Variants in PEX7 observed in about 807,000 individuals in gnomAD.
PEX7 encodes the protein PTS2 receptor.
In PEX7, 34 loss-of-function variants were observed where a neutral mutation model predicts 47.5. The observed-to-expected ratio is 0.72, with a 90% CI of 0.54 to 0.95. PEX7 has a LOEUF of 0.95. Among genes scored for constraint, PEX7 ranks in the 40% least tolerant of loss-of-function variants. The probability of loss-of-function intolerance (pLI) is 0.00; values close to 1 mark genes in which losing one functional copy is unlikely to be tolerated. For synonymous variants in PEX7, 141 were observed against 148.8 expected, an observed-to-expected ratio of 0.95 and a Z score of 0.38; for missense variants, 394 against 400.3, an observed-to-expected ratio of 0.98 and a Z score of 0.13.
intron 3 of PEX7, among the ~76,000 whole-genome samples, chr6:136,827,787 C>T (rs1774223011): frequency 6.6e-6 from 1 of 151,810 alleles, no homozygotes; most frequent in East Asian, 1.9e-4. Context: ...CTGCCTTGGC[C>T]TCCCAAAGTG....
intron 8 of PEX7, among the ~76,000 whole-genome samples, chr6:136,890,669 A>G (rs1373356593): frequency 1.3e-5 from 2 of 152,168 alleles, no homozygotes; most frequent in East Asian, 3.9e-4. Flanking sequence ...TGACAGCCTG[A>G]GTAGGTTTAT....
At chr6:136,899,080 C>CTTTTTTTTTTTTTTTTT (rs71547049) in intron 9 of PEX7, among the ~76,000 whole-genome samples, 1 of 111,978 alleles carries the variant, frequency 8.9e-6, no homozygotes, top group Admixed American at 1.0e-4. Flanking sequence ...TTTTTCTTTT[C>CTTTTTTTTTTTTTTTTT]TTTTTTTTTT....
intron 3 of PEX7, among the ~76,000 whole-genome samples, chr6:136,833,730 A>G (rs530068445): frequency 1.3e-4 from 20 of 152,310 alleles, no homozygotes; most frequent in South Asian, 2.1e-4. Flanking sequence ...ACTTGAATCA[A>G]TTCTCCCTTT....
At chr6:136,872,140 A>G in intron 7 of PEX7, 58 bp from the exon 8 acceptor site, 1 of 1,300,070 alleles carries the variant, frequency 7.7e-7, no homozygotes, top group Non-Finnish European at 1.1e-6. Context: ...CATAGAAAGC[A>G]GTGTTATAAT....
At chr6:136,905,979 C>T (rs1775838930) in intron 9 of PEX7, among the ~76,000 whole-genome samples, 1 of 152,196 alleles carries the variant, frequency 6.6e-6, no homozygotes. Flanking sequence ...CAGACAATGC[C>T]TTTCTACCTC....
At chr6:136,845,202 C>T (rs558728969) in intron 3 of PEX7, among the ~76,000 whole-genome samples, 1 of 152,294 alleles carries the variant, frequency 6.6e-6, no homozygotes, top group African/African-American at 2.4e-5. Context: ...CTAAGAAAGG[C>T]CAGATAGGGA....
intron 3 of PEX7, among the ~76,000 whole-genome samples, chr6:136,845,345 G>A (rs1181628212): frequency 1.3e-5 from 2 of 152,196 alleles, no homozygotes; most frequent in East Asian, 3.8e-4. Context: ...TTTAAAATAT[G>A]TATAATTTGT....
intron 3 of PEX7, among the ~76,000 whole-genome samples, chr6:136,835,440 C>A (rs754305936): frequency 6.6e-6 from 1 of 151,962 alleles, no homozygotes; most frequent in Non-Finnish European, 1.5e-5. Context: ...AGGTGTGTGC[C>A]ACCGTGCTTG....
intron 8 of PEX7, among the ~76,000 whole-genome samples, chr6:136,893,243 C>T (rs951628522): frequency 4.0e-5 from 6 of 151,662 alleles, no homozygotes; most frequent in Admixed American, 6.6e-5. Flanking sequence ...AAATGACCTA[C>T]AAGACCTGTT....
Position 136,822,718 on chromosome 6 carries a change from A to G in PEX7, c.53A>G (p.His18Arg), listed in dbSNP as rs2115122498. ...CGGATGCTGCGGACGCCGGGACGCC[A>G]CGGCTACGCCGCCGAGTTCTCCCCG... ...AARMLRTPGR[H>R]GYAAEFSPYL... The change falls in exon 1 of 10, where the codon CAC becomes CGC. Residue 18 changes from histidine (H) to arginine (R), a missense_variant. Coordinates refer to ENST00000318471, the MANE Select transcript of PEX7 (RefSeq NM_000288.4). 1 of 1,515,326 alleles carries G rather than the reference A, an allele frequency of 6.6e-7. No individual in the cohort carries two copies. The highest frequency in any genetic ancestry group is 1.4e-5 in the African/African-American group (1 of 70,092). 93.9% of individuals were successfully genotyped at this position (1,515,326 alleles called of 1,614,324 possible).
intron 8 of PEX7, among the ~76,000 whole-genome samples, chr6:136,876,179 A>C (rs965844059): frequency 7.9e-5 from 12 of 151,916 alleles, no homozygotes; most frequent in African/African-American, 2.9e-4. Context: ...CTGGGACTAC[A>C]GGCACCCGTC....
chr6:136,868,882 G>C (rs1168821934), intron 6 of PEX7, among the ~76,000 whole-genome samples: 1 of 152,070 alleles, frequency 6.6e-6, no homozygotes, highest in Non-Finnish European at 1.5e-5. Context: ...GAATAGATAA[G>C]AGACTCACCA....
chr6:136,838,698 T>G (rs1774439486), intron 3 of PEX7, among the ~76,000 whole-genome samples: 1 of 152,144 alleles, frequency 6.6e-6, no homozygotes, highest in African/African-American at 2.4e-5. Flanking sequence ...CTGAAGTATT[T>G]AGGAATAAAA....
chr6:136,885,097 A>G (rs1454847273), intron 8 of PEX7, among the ~76,000 whole-genome samples: 1 of 152,234 alleles, frequency 6.6e-6, no homozygotes, highest in Non-Finnish European at 1.5e-5. Context: ...AGATCATTTC[A>G]TAAACAGAAA....
chr6:136,830,164 G>A, intron 3 of PEX7: 1 of 634,370 alleles, frequency 1.6e-6, no homozygotes, highest in Non-Finnish European at 2.8e-6. Context: ...CCTTGCGTAT[G>A]TCACATATTT....
intron 9 of PEX7, among the ~76,000 whole-genome samples, chr6:136,902,354 A>G (rs1775766814): frequency 1.3e-5 from 2 of 152,162 alleles, no homozygotes; most frequent in African/African-American, 2.4e-5. Context: ...TCTTCTGTGT[A>G]TAATTCTTTT....
chr6:136,866,418 T>C (rs1179388894), intron 5 of PEX7, among the ~76,000 whole-genome samples: 2 of 152,194 alleles, frequency 1.3e-5, no homozygotes, highest in Non-Finnish European at 2.9e-5. Flanking sequence ...TTCCTCCTAA[T>C]AGCATTATCA....
At chr6:136,887,148 C>T (rs1473140701) in intron 8 of PEX7, among the ~76,000 whole-genome samples, 1 of 151,962 alleles carries the variant, frequency 6.6e-6, no homozygotes, top group Non-Finnish European at 1.5e-5. Context: ...TACCTACACA[C>T]ATTTGTTGAA....
intron 5 of PEX7, among the ~76,000 whole-genome samples, chr6:136,848,392 G>C (rs561863255): frequency 6.6e-6 from 1 of 152,194 alleles, no homozygotes; most frequent in Non-Finnish European, 1.5e-5. Context: ...GAATAGGAGT[G>C]GTGAGAGAGG....
Sources: allele counts gnomAD v4.1 joint callset (sites outside exome capture counted in the v4.1 genomes callset), GRCh38; gene constraint gnomAD v4.1.1; transcripts MANE v1.5; gene names NCBI Gene and HGNC (gene_info 2026-07-23, HGNC 2026-07-21).